GBP6: variants seen among roughly 807,000 people sequenced by gnomAD.
The protein encoded by GBP6 is guanylate binding protein family member 6.
Under a neutral mutation model 61.5 loss-of-function variants are expected in GBP6, and 54 were observed. The observed-to-expected ratio is 0.88, with a 90% CI of 0.71 to 1.10. GBP6 has a LOEUF of 1.10. Ranked by LOEUF, GBP6 falls within the 50% of genes least tolerant of loss-of-function variation. GBP6 has a pLI of 0.00. For synonymous variants in GBP6, 255 were observed against 273.7 expected, an observed-to-expected ratio of 0.93 and a Z score of 0.67; for missense variants, 748 against 752.8, an observed-to-expected ratio of 0.99 and a Z score of 0.07.
intron 2 of GBP6, among the ~76,000 whole-genome samples, chr1:89,369,277 A>C (rs1652552135): frequency 1.3e-5 from 2 of 152,170 alleles, no homozygotes; most frequent in Admixed American, 6.5e-5. Flanking sequence ...ACTTTTCAAG[A>C]TGTTCCTGTT....
intron 8 of GBP6, 46 bp downstream of exon 8, chr1:89,382,922 T>C: frequency 7.5e-7 from 1 of 1,331,022 alleles, no homozygotes. Context: ...ATAGAGTGAA[T>C]GGAGTCTTCA....
chr1:89,376,564 G>A (rs1478835962), intron 3 of GBP6, among the ~76,000 whole-genome samples: 1 of 152,038 alleles, frequency 6.6e-6, no homozygotes, highest in Non-Finnish European at 1.5e-5. Flanking sequence ...CTGTTCCATT[G>A]ATCTATATGT....
intron 6 of GBP6, among the ~76,000 whole-genome samples, 188 bp from the exon 7 acceptor site, chr1:89,381,506 C>T (rs2100672551): frequency 6.6e-6 from 1 of 151,996 alleles, no homozygotes; most frequent in South Asian, 2.1e-4. Flanking sequence ...GACTGGAGAT[C>T]CATAAAATTG....
chr1:89,383,721 A>G lies in GBP6; in HGVS notation c.1435A>G (p.Lys479Glu). 1 of 1,612,936 alleles carries G rather than the reference A, an allele frequency of 6.2e-7. No homozygotes were observed. Among genetic ancestry groups the G allele is most frequent in the Non-Finnish European group, 8.5e-7 (1 of 1,179,714 alleles). The change falls in exon 9 of 11, where the codon AAA becomes GAA. Residue 479 changes from lysine (K) to glutamate (E), a missense_variant. Transcript: ENST00000370456. ...AGAGGAATCCATCTTGCAGTCAGAT[A>G]AAGCCCTCACTGATAGAGAGAAGGC... Reference protein sequence around the residue: ...VIEESILQSDKALTDREKAVA... With the variant: ...VIEESILQSDEALTDREKAVA...
chr1:89,382,974 C>CTTTA, intron 8 of GBP6, 98 bp downstream of exon 8: 1 of 710,098 alleles, frequency 1.4e-6, no homozygotes, highest in Non-Finnish European at 2.4e-6. Flanking sequence ...GATAGCATAA[C>CTTTA]GCCTTAGCTT....
At chr1:89,381,498 C>G (rs1413658134) in intron 6 of GBP6, among the ~76,000 whole-genome samples, 196 bp from the exon 7 acceptor site, 1 of 151,930 alleles carries the variant, frequency 6.6e-6, no homozygotes, top group Non-Finnish European at 1.5e-5. Context: ...GCACTGTGGA[C>G]TGGAGATCCA....
At chr1:89,371,403 AAAAATCCTCAAT>A (rs1168206341) in intron 3 of GBP6, among the ~76,000 whole-genome samples, 1 of 152,226 alleles carries the variant, frequency 6.6e-6, no homozygotes, top group African/African-American at 2.4e-5. Context: ...ACATCAATGC[AAAAATCCTCAAT>A]AAAATACTGG....
chr1:89,369,601 C>A lies in GBP6; in HGVS notation c.246C>A (p.Cys82Ter), dbSNP rs778373002. The A allele has an allele frequency of 1.2e-6, 2 of 1,614,072 alleles. No homozygotes were observed. Among genetic ancestry groups the A allele is most frequent in the South Asian group, 2.2e-5 (2 of 91,086 alleles). ...AAACCAAGGGCATCTGGATGTGGTG[C>A]GTGCCCCACCCATCCAAGCCAAACC... Reference protein sequence around the residue: ...QSETKGIWMWCVPHPSKPNHT... With the variant: ...QSETKGIWMW The change falls in exon 3 of 11, where the codon TGC (cysteine) becomes TGA (stop). Residue 82 changes from cysteine to a stop codon, truncating the protein, a stop_gained. Coordinates refer to ENST00000370456, the MANE Select transcript of GBP6 (RefSeq NM_198460.3). LOFTEE classifies it high-confidence loss of function.
chr1:89,364,788 T>TAA (rs11449719), intron 1 of GBP6, among the ~76,000 whole-genome samples: 229 of 143,212 alleles, frequency 1.6e-3, no homozygotes, highest in Middle Eastern at 0.011. Context: ...GTTGATTCTT[T>TAA]AAAAAAAAAA....
At chr1:89,374,930 C>T (rs569111436) in intron 3 of GBP6, among the ~76,000 whole-genome samples, 1 of 152,110 alleles carries the variant, frequency 6.6e-6, no homozygotes, top group African/African-American at 2.4e-5. Flanking sequence ...CCCTCCCACA[C>T]CCTCCCCTAA....
chr1:89,369,345 G>A (rs916813305), intron 2 of GBP6, among the ~76,000 whole-genome samples: 9 of 152,030 alleles, frequency 5.9e-5, no homozygotes, highest in African/African-American at 1.2e-4. Context: ...ATTTTGAGCC[G>A]TTACTTGGCA....
chr1:89,370,887 C>A (rs1049825662), intron 3 of GBP6, among the ~76,000 whole-genome samples: 8 of 152,110 alleles, frequency 5.3e-5, no homozygotes, highest in Non-Finnish European at 8.8e-5. Flanking sequence ...AGGTCACAAT[C>A]AATATAGTAT....
Position 89,373,981 on chromosome 1 carries a change from C to T in GBP6, c.319-4122C>T, listed in dbSNP as rs114866407. Among the ~76,000 whole-genome samples the T allele has an allele frequency of 4.1e-3, 629 of 152,124 alleles. 7 individuals are homozygous for T. The highest frequency in any genetic ancestry group is 0.014 in the African/African-American group (593 of 41,494). ...AATTGAATCATGTGGGTGGTTTCCC[C>T]ATGCTATTCTCGTGATAGTGAGTAA... On this transcript the variant is annotated intron_variant, in intron 3 of 10. Coordinates refer to ENST00000370456, the MANE Select transcript of GBP6 (RefSeq NM_198460.3).
chr1:89,372,962 T>A (rs1244640621), intron 3 of GBP6, among the ~76,000 whole-genome samples: 1 of 151,734 alleles, frequency 6.6e-6, no homozygotes, highest in African/African-American at 2.4e-5. Flanking sequence ...TCAAACAAAT[T>A]TACAAGAAAA....
intron 3 of GBP6, among the ~76,000 whole-genome samples, chr1:89,371,761 G>T (rs1247528741): frequency 6.6e-6 from 1 of 152,210 alleles, no homozygotes; most frequent in East Asian, 1.9e-4. Context: ...CACAAGACAG[G>T]GATGCCCTCT....
chr1:89,382,869 G>A lies in GBP6; in HGVS notation c.1358G>A (p.Gly453Glu). Residue 453 changes from glycine (G) to glutamate (E), a missense_variant, in exon 8 of 11, where the codon GGA becomes GAA. Coordinates refer to ENST00000370456, the MANE Select transcript of GBP6 (RefSeq NM_198460.3). Reference protein sequence around the residue: ...EQDYWQVPRKGVKAKEVFQRF... With the variant: ...EQDYWQVPRKEVKAKEVFQRF... Reference sequence around the variant, plus strand: ...GACTATTGGCAAGTTCCCAGGAAAGGAGTAAAGGTAAGGAATAAGGGGAGC... The same window carrying A: ...GACTATTGGCAAGTTCCCAGGAAAGAAGTAAAGGTAAGGAATAAGGGGAGC... The A allele has an allele frequency of 6.2e-7, 1 of 1,611,508 alleles. No individual in the cohort carries two copies. Among genetic ancestry groups the A allele is most frequent in the Non-Finnish European group, 8.5e-7 (1 of 1,177,702 alleles).
rs781558002 is a variant in GBP6, at chr1:89,380,524, AGC to A, written c.765_766del (p.Gln256ThrfsTer66). ...GCCAATATTGAGAAGGTGTCAGAAA[AGC>A]AACTGGATCCCAAATTCCAGGAACA... On this transcript the variant is annotated frameshift_variant, in exon 6 of 11. Coordinates refer to ENST00000370456, the MANE Select transcript of GBP6 (RefSeq NM_198460.3). LOFTEE classifies it high-confidence loss of function. 1.2e-5 allele frequency: 20 copies of A among 1,614,062 alleles called. No homozygotes were observed. In the East Asian group the frequency reaches 3.3e-4, roughly 27 times the overall value.
At chr1:89,371,554 C>T (rs1304430340) in intron 3 of GBP6, among the ~76,000 whole-genome samples, 1 of 152,100 alleles carries the variant, frequency 6.6e-6, no homozygotes, top group Non-Finnish European at 1.5e-5. Context: ...GAGAACCAAA[C>T]ACAAAAACCA....
In GBP6 at chr1:89,386,445, A is replaced by T. The variant is rs935904993; in HGVS notation, c.*976A>T. On this transcript the variant is annotated 3_prime_UTR_variant, in exon 11 of 11. Coordinates refer to ENST00000370456, the MANE Select transcript of GBP6 (RefSeq NM_198460.3). ...CTAATAATGATAACAATAAAAAAAT[A>T]GTGAAATTGGCTATCAGATGATGAA... The T allele has an allele frequency of 1.3e-5, 2 of 152,228 alleles. No homozygotes were observed. The highest frequency in any genetic ancestry group is 2.4e-5 in the African/African-American group (1 of 41,460). The allele number at this position is 152,228 out of a possible 1,614,324, so 9.4% of individuals were successfully genotyped here. A position where few individuals can be genotyped will look rare whatever the true frequency, so the allele number is the denominator to read the frequency against.
Sources: allele counts gnomAD v4.1 joint callset (sites outside exome capture counted in the v4.1 genomes callset), GRCh38; gene constraint gnomAD v4.1.1; transcripts MANE v1.5; gene names NCBI Gene and HGNC (gene_info 2026-07-23, HGNC 2026-07-21).